The following UBR3 variants were observed in gnomAD, a reference collection of about 807,000 sequenced individuals.
The protein encoded by UBR3 is E3 ubiquitin-protein ligase UBR3.
UBR3 carries 85 observed loss-of-function variants against 243.2 expected under a neutral mutation model. That is an observed-to-expected ratio of 0.35 (90% CI 0.29 to 0.42). UBR3 has a LOEUF of 0.42. UBR3 is among the 10% of genes least tolerant of loss of function. The pLI is 1.00. For missense variants in UBR3, 1,686 were observed against 2,300.8 expected (o/e 0.73, Z 5.47); for synonymous variants, 748 against 799.8 (o/e 0.94, Z 1.09).
intron 30 of UBR3, among the ~76,000 whole-genome samples, chr2:170,016,181 T>C (rs943708786): frequency 6.6e-6 from 1 of 151,842 alleles, no homozygotes; most frequent in Admixed American, 6.6e-5. Flanking sequence ...TAACAAAATA[T>C]ATGTTATTTC....
chr2:169,914,352 G>A (rs906077632), intron 11 of UBR3, among the ~76,000 whole-genome samples: 3 of 152,148 alleles, frequency 2.0e-5, no homozygotes, highest in Non-Finnish European at 4.4e-5. Context: ...ATTCTGGAGC[G>A]CACTAATATG....
At chr2:169,852,818 T>C (rs2082700735) in intron 1 of UBR3, among the ~76,000 whole-genome samples, 1 of 116,240 alleles carries the variant, frequency 8.6e-6, no homozygotes, top group Admixed American at 1.2e-4. Flanking sequence ...ACCACTTCAC[T>C]CCAGCCTGGG....
intron 35 of UBR3, among the ~76,000 whole-genome samples, chr2:170,071,247 T>C (rs2091691595): frequency 6.6e-6 from 1 of 152,160 alleles, no homozygotes; most frequent in Non-Finnish European, 1.5e-5. Context: ...TGAAAACATA[T>C]GTCTACATTT....
At chr2:170,061,758 G>A (rs533468614) in intron 35 of UBR3, among the ~76,000 whole-genome samples, 9 of 152,202 alleles carry the variant, frequency 5.9e-5, no homozygotes, top group Non-Finnish European at 1.2e-4. Flanking sequence ...ATGAGCCACC[G>A]CACTAGCCAA....
intron 24 of UBR3, among the ~76,000 whole-genome samples, chr2:169,983,127 T>G: frequency 6.6e-6 from 1 of 151,466 alleles, no homozygotes; most frequent in African/African-American, 2.4e-5. Flanking sequence ...GAGTTGAGAG[T>G]GAGAGCAAGA....
At chr2:169,844,088 C>T (rs921246150) in intron 1 of UBR3, among the ~76,000 whole-genome samples, 1 of 150,100 alleles carries the variant, frequency 6.7e-6, no homozygotes, top group Non-Finnish European at 1.5e-5. Flanking sequence ...CTCATTGCAA[C>T]CTCAGCCTCC....
intron 27 of UBR3, among the ~76,000 whole-genome samples, chr2:170,004,594 G>T (rs1325483363): frequency 6.6e-6 from 1 of 152,236 alleles, no homozygotes; most frequent in Admixed American, 6.5e-5. Flanking sequence ...GAGTGACTTG[G>T]CAGGTGAGGA....
intron 10 of UBR3, among the ~76,000 whole-genome samples, chr2:169,909,729 A>G (rs891332099): frequency 6.6e-5 from 8 of 122,008 alleles, no homozygotes; most frequent in Non-Finnish European, 1.3e-4. Context: ...CCCACAATGC[A>G]TGTGTGTGTG....
chr2:169,973,396 A>G (rs200801696), intron 24 of UBR3, among the ~76,000 whole-genome samples: 26,005 of 148,058 alleles, frequency 0.18, 2,544 homozygotes, highest in East Asian at 0.37. Flanking sequence ...GCCTTTCTTC[A>G]CAGAATTGGA....
chr2:169,868,387 G>A (rs2083327566), intron 1 of UBR3, among the ~76,000 whole-genome samples: 1 of 151,942 alleles, frequency 6.6e-6, no homozygotes, highest in East Asian at 1.9e-4. Flanking sequence ...TGTCATCCAG[G>A]CTGGAGTGCA....
intron 1 of UBR3, among the ~76,000 whole-genome samples, chr2:169,862,719 T>G (rs1329968486): frequency 6.6e-6 from 1 of 152,220 alleles, no homozygotes; most frequent in Non-Finnish European, 1.5e-5. Flanking sequence ...GTAGATATCA[T>G]ATATGTTTAT....
chr2:169,915,825 T>G (rs2085441266), intron 11 of UBR3, among the ~76,000 whole-genome samples: 1 of 152,208 alleles, frequency 6.6e-6, no homozygotes. Context: ...CTCTAGAGAT[T>G]CATAGTTTCT....
rs74371506 is a variant in UBR3, at chr2:169,884,817, C to A, written c.1038+6243C>A. 4.5e-3 allele frequency among the ~76,000 whole-genome samples: 687 copies of A among 152,134 alleles called. 3 individuals carry two copies. Among genetic ancestry groups the A allele is most frequent in the African/African-American group, 0.015 (621 of 41,498 alleles). ...GAATATGATTATTATTTAAAATTTG[C>A]TTTTACTTTTGTTCTTCTCAAAGTA... On this transcript the variant is annotated intron_variant, in intron 5 of 38. Coordinates refer to ENST00000272793, the MANE Select transcript of UBR3 (RefSeq NM_172070.4).
chr2:169,924,054 A>G lies in UBR3; in HGVS notation c.1933-30A>G, dbSNP rs1215064967. 2.6e-6 allele frequency: 4 copies of G among 1,526,686 alleles called. No homozygotes were observed. The Admixed American group carries it at 6.7e-5, about 26-fold the overall frequency. 94.6% of individuals were successfully genotyped at this position (1,526,686 alleles called of 1,614,324 possible). ...TTTTAATTTTCAGAAATAAGAATTG[A>G]ATTAGTAACTTTTTTATTGTAATTT... On this transcript the variant is annotated intron_variant, in intron 12 of 38. Transcript: ENST00000272793.
At chr2:169,944,049 A>G (rs1006825246) in intron 20 of UBR3, among the ~76,000 whole-genome samples, 1 of 152,176 alleles carries the variant, frequency 6.6e-6, no homozygotes, top group Admixed American at 6.5e-5. Flanking sequence ...GTTATTCAGT[A>G]ATTGATTTAA....
chr2:169,948,302 T>G (rs1559123298), intron 22 of UBR3, among the ~76,000 whole-genome samples: 1 of 152,046 alleles, frequency 6.6e-6, no homozygotes, highest in Non-Finnish European at 1.5e-5. Flanking sequence ...AAAATAAATT[T>G]AATTGCTAGC....
intron 24 of UBR3, 107 bp downstream of exon 24, chr2:169,958,633 T>G: frequency 2.1e-6 from 2 of 958,228 alleles, no homozygotes; most frequent in Non-Finnish European, 3.1e-6. Context: ...TTTTGATTTC[T>G]AGTGTTTATT....
intron 16 of UBR3, 98 bp from the exon 17 acceptor site, chr2:169,927,222 T>C: frequency 8.7e-7 from 1 of 1,152,810 alleles, no homozygotes; most frequent in Non-Finnish European, 1.2e-6. Context: ...TGAAGCATCT[T>C]ATATTTGGTA....
At chr2:169,871,281 G>A (rs2083428938) in intron 1 of UBR3, among the ~76,000 whole-genome samples, 1 of 151,902 alleles carries the variant, frequency 6.6e-6, no homozygotes, top group African/African-American at 2.4e-5. Context: ...GCAAGACCCT[G>A]TCTCTACAAA....
Sources: allele counts gnomAD v4.1 joint callset (sites outside exome capture counted in the v4.1 genomes callset), GRCh38; gene constraint gnomAD v4.1.1; transcripts MANE v1.5; gene names NCBI Gene and HGNC (gene_info 2026-07-23, HGNC 2026-07-21).